The following ADGRL2 variants were observed in gnomAD, a reference collection of about 807,000 sequenced individuals.
ADGRL2 encodes calcium-independent alpha-latrotoxin receptor 2.
ADGRL2 carries 44 observed loss-of-function variants against 157.4 expected under a neutral mutation model. The ratio of observed to expected loss-of-function variants is 0.28; its 90% CI spans 0.22 to 0.36. The LOEUF is 0.36. Ranked by LOEUF, ADGRL2 falls within the 10% of genes least tolerant of loss-of-function variation. ADGRL2 has a pLI of 1.00. For missense variants in ADGRL2, 1,510 were observed against 1,768.9 expected, an observed-to-expected ratio of 0.85 and a Z score of 2.63; for synonymous variants, 585 against 624.7, an observed-to-expected ratio of 0.94 and a Z score of 0.95.
intron 3 of ADGRL2, among the ~76,000 whole-genome samples, chr1:81,664,731 T>C (rs998977419): frequency 1.3e-5 from 2 of 152,180 alleles, no homozygotes; most frequent in African/African-American, 2.4e-5. Context: ...CTACAAATGA[T>C]ATAGCATTGC....
chr1:81,321,056 A>G (rs1660467062), intron 1 of ADGRL2, among the ~76,000 whole-genome samples: 1 of 152,202 alleles, frequency 6.6e-6, no homozygotes, highest in Non-Finnish European at 1.5e-5. Context: ...TCTTCTGGGT[A>G]ACTTACTGTA....
chr1:81,872,117 A>G (rs953800114), intron 2 of ADGRL2, among the ~76,000 whole-genome samples: 2 of 152,202 alleles, frequency 1.3e-5, no homozygotes, highest in African/African-American at 4.8e-5. Flanking sequence ...TATAAGGTGT[A>G]AGGAAAGGGA....
At chr1:81,617,789 T>A in intron 3 of ADGRL2, among the ~76,000 whole-genome samples, 1 of 152,218 alleles carries the variant, frequency 6.6e-6, no homozygotes, top group East Asian at 1.9e-4. Flanking sequence ...ATCTAAAATA[T>A]TCCCCGTGGA....
intron 2 of ADGRL2, among the ~76,000 whole-genome samples, chr1:81,505,289 A>G (rs369786925): frequency 0.061 from 9,182 of 151,506 alleles, 341 homozygotes; most frequent in South Asian, 0.099. Context: ...AGAGAAGGGC[A>G]TCTGGGACGT....
At chr1:81,553,803 T>C (rs1239214190) in intron 2 of ADGRL2, among the ~76,000 whole-genome samples, 1 of 152,178 alleles carries the variant, frequency 6.6e-6, no homozygotes, top group Non-Finnish European at 1.5e-5. Context: ...AGTAACTTGC[T>C]CATAATGGAG....
At position 81,910,313 on chromosome 1, in the gene ADGRL2, C is replaced by T. The variant is rs568296523; in HGVS notation, c.287+3083C>T. ...AAGGTAGAGATGAATATAAAGTATACGTATGTCCTAATATGATAGACTACC... is the reference window on the plus strand; with the variant it reads ...AAGGTAGAGATGAATATAAAGTATATGTATGTCCTAATATGATAGACTACC... On this transcript the variant is annotated intron_variant, in intron 3 of 23. Transcript: ENST00000686636. 6.6e-5 allele frequency among the ~76,000 whole-genome samples: 10 copies of T among 150,760 alleles called. No homozygotes were observed. The South Asian group carries it at 1.9e-3, about 28-fold the overall frequency.
At chr1:81,797,920 A>G (rs973895505), upstream of ADGRL2, among the ~76,000 whole-genome samples, 4 of 152,196 alleles carry the variant, frequency 2.6e-5, no homozygotes, top group Non-Finnish European at 5.9e-5. Flanking sequence ...ATGAGTGGTT[A>G]TATGTTGATT....
Position 81,969,197 on chromosome 1 carries a change from A to T in ADGRL2, c.2543A>T (p.Glu848Val). The T allele has an allele frequency of 1.2e-6, 2 of 1,613,458 alleles. No individual in the cohort carries two copies. The highest frequency in any genetic ancestry group is 1.7e-6 in the Non-Finnish European group (2 of 1,179,456). The change falls in exon 15 of 24, where the codon GAA (glutamate) becomes GTA (valine). Residue 848 changes from glutamate (E) to valine (V), a missense_variant. Glu to Val is a moderately radical substitution (Grantham distance 121). Coordinates refer to ENST00000686636, the MANE Select transcript of ADGRL2 (RefSeq NM_001366006.2). ...REIAYKDGVH[E>V]LLLTVITWVG... ...TTTCAGTATAAAGATGGCGTTCATG[A>T]ATTACTTCTTACAGTCATCACCTGG...
intron 1 of ADGRL2, among the ~76,000 whole-genome samples, chr1:81,428,384 A>G (rs2077258036): frequency 6.6e-6 from 1 of 152,204 alleles, no homozygotes; most frequent in Non-Finnish European, 1.5e-5. Flanking sequence ...ATTTTAGGAT[A>G]TCATGTTGCA....
At chr1:81,439,353 C>T (rs1184282264) in intron 1 of ADGRL2, among the ~76,000 whole-genome samples, 1 of 152,234 alleles carries the variant, frequency 6.6e-6, no homozygotes, top group Non-Finnish European at 1.5e-5. Context: ...TGAATCCTGA[C>T]TCCACCACTT....
chr1:81,669,979 TC>T (rs1457295293), intron 3 of ADGRL2, among the ~76,000 whole-genome samples: 2 of 147,054 alleles, frequency 1.4e-5, no homozygotes, highest in Non-Finnish European at 3.0e-5. Flanking sequence ...CCTAAACTAA[TC>T]TAGGAAGGCT....
rs183109359 is a variant in ADGRL2, at chr1:81,828,746, A to G, written c.-100-8139A>G. ...TACCTCTCCTACTCCATGTTTGAGTAGTTAAGAAGCACTAAAACATAAATT... is the reference window on the plus strand; with the variant it reads ...TACCTCTCCTACTCCATGTTTGAGTGGTTAAGAAGCACTAAAACATAAATT... On this transcript the variant is annotated intron_variant, in intron 1 of 23. Transcript: ENST00000686636. Among the ~76,000 whole-genome samples the G allele has an allele frequency of 3.7e-3, 569 of 152,278 alleles. 5 individuals carry two copies. The highest frequency in any genetic ancestry group is 0.013 in the African/African-American group (537 of 41,564).
chr1:81,737,951 T>G (rs1381171502), intron 1 of ADGRL2, among the ~76,000 whole-genome samples: 1 of 152,198 alleles, frequency 6.6e-6, no homozygotes, highest in Non-Finnish European at 1.5e-5. Context: ...CAACTATCCT[T>G]TGATTCTCTG....
At chr1:81,466,723 A>C (rs1447068268) in intron 2 of ADGRL2, among the ~76,000 whole-genome samples, 1 of 152,086 alleles carries the variant, frequency 6.6e-6, no homozygotes, top group African/African-American at 2.4e-5. Context: ...TTTTCAATTG[A>C]TAATATGGCT....
At chr1:81,589,716 TGTGC>T (rs10578544) in intron 3 of ADGRL2, among the ~76,000 whole-genome samples, 2,217 of 152,288 alleles carry the variant, frequency 0.015, 29 homozygotes, top group East Asian at 0.038. Flanking sequence ...TGCACTAATC[TGTGC>T]AATTTTCCTC....
intron 1 of ADGRL2, among the ~76,000 whole-genome samples, chr1:81,820,313 A>G (rs934399479): frequency 6.6e-6 from 1 of 152,182 alleles, no homozygotes; most frequent in Non-Finnish European, 1.5e-5. Context: ...AAGAGTTACA[A>G]TTAAAGTGTT....
chr1:81,503,131 G>T, intron 2 of ADGRL2: 1 of 1,613,848 alleles, frequency 6.2e-7, no homozygotes, highest in Non-Finnish European at 8.5e-7. Context: ...GCAGCGCCTG[G>T]TGCAGCAGGC....
At chr1:81,746,997 T>G (rs1571049995) in intron 1 of ADGRL2, among the ~76,000 whole-genome samples, 1 of 143,382 alleles carries the variant, frequency 7.0e-6, no homozygotes, top group East Asian at 2.0e-4. Flanking sequence ...TATACGTATA[T>G]ACGTGTATAC....
chr1:81,385,082 A>C (rs1006755986), intron 1 of ADGRL2, among the ~76,000 whole-genome samples: 2 of 152,132 alleles, frequency 1.3e-5, no homozygotes, highest in African/African-American at 2.4e-5. Context: ...AATATATAAA[A>C]AGGGGACATA....
Sources: allele counts gnomAD v4.1 joint callset (sites outside exome capture counted in the v4.1 genomes callset), GRCh38; gene constraint gnomAD v4.1.1; transcripts MANE v1.5; gene names NCBI Gene and HGNC (gene_info 2026-07-23, HGNC 2026-07-21).